Variants in ZNF385D observed in about 807,000 individuals in gnomAD.
ZNF385D encodes zinc finger protein 385D, also known as zinc finger protein 659.
In ZNF385D, 15 loss-of-function variants were observed where a neutral mutation model predicts 35.8. The ratio of observed to expected loss-of-function variants is 0.42; its 90% CI spans 0.28 to 0.64. ZNF385D has a LOEUF of 0.64. Among genes scored for constraint, ZNF385D ranks in the 30% least tolerant of loss-of-function variants. The pLI is 0.23. For synonymous variants in ZNF385D, 212 were observed against 186.8 expected (o/e 1.13, Z -1.10); for missense variants, 474 against 494.6 (o/e 0.96, Z 0.39).
rs114311563 is a variant in ZNF385D at position 21,559,915 on chromosome 3, A to G, written c.276+4659T>C. Among the ~76,000 whole-genome samples the G allele has an allele frequency of 5.9e-3, 897 of 152,174 alleles. 8 individuals carry two copies. The highest frequency in any genetic ancestry group is 0.02 in the African/African-American group (840 of 41,508). ...CACGCTGTATTTAAGTTGATCTTCAAGCTCTGATATCCTTTCTTCTGTTTG... is the reference window on the plus strand; with the variant it reads ...CACGCTGTATTTAAGTTGATCTTCAGGCTCTGATATCCTTTCTTCTGTTTG... On this transcript the variant is annotated intron_variant, in intron 3 of 7. Coordinates refer to ENST00000281523, the MANE Select transcript of ZNF385D (RefSeq NM_024697.3).
chr3:21,920,530 T>C (rs1180057213), intron 3 of ZNF385D, among the ~76,000 whole-genome samples: 1 of 150,338 alleles, frequency 6.7e-6, no homozygotes, highest in Non-Finnish European at 1.5e-5. Context: ...TGTGAGTCAT[T>C]AACATAGGCT....
At chr3:21,451,236 A>G (rs1380286834) in intron 4 of ZNF385D, among the ~76,000 whole-genome samples, 1 of 152,022 alleles carries the variant, frequency 6.6e-6, no homozygotes, top group African/African-American at 2.4e-5. Context: ...CTCTGTTTCT[A>G]TTGAAGAATA....
chr3:21,462,410 A>G (rs1703234679), intron 4 of ZNF385D, among the ~76,000 whole-genome samples: 1 of 152,190 alleles, frequency 6.6e-6, no homozygotes, highest in South Asian at 2.1e-4. Flanking sequence ...AAATGATGTT[A>G]CTTGCAATTA....
intron 1 of ZNF385D, among the ~76,000 whole-genome samples, chr3:21,697,399 G>A (rs1463123431): frequency 6.6e-6 from 1 of 152,086 alleles, no homozygotes; most frequent in Non-Finnish European, 1.5e-5. Context: ...AAAAAGTTTC[G>A]TGATTTGTTT....
intron 2 of ZNF385D, among the ~76,000 whole-genome samples, chr3:22,355,740 A>T (rs988312631): frequency 6.6e-6 from 1 of 152,060 alleles, no homozygotes; most frequent in Non-Finnish European, 1.5e-5. Context: ...GAATTAAATC[A>T]TCTATAGAGT....
chr3:22,353,189 C>T (rs958754726), intron 2 of ZNF385D, among the ~76,000 whole-genome samples: 2 of 152,188 alleles, frequency 1.3e-5, no homozygotes, highest in African/African-American at 2.4e-5. Flanking sequence ...CCTGCCAGAG[C>T]TTCTTGCTAC....
chr3:22,157,885 T>G (rs999354816), intron 3 of ZNF385D, among the ~76,000 whole-genome samples: 1 of 152,158 alleles, frequency 6.6e-6, no homozygotes, highest in African/African-American at 2.4e-5. Flanking sequence ...CCAGCTTTTA[T>G]TTTTGTACCT....
chr3:22,287,197 C>A (rs1355087762), intron 2 of ZNF385D, among the ~76,000 whole-genome samples: 1 of 151,970 alleles, frequency 6.6e-6, no homozygotes, highest in Non-Finnish European at 1.5e-5. Context: ...ATAGCTACCT[C>A]TGCTCTCTTT....
At chr3:22,274,574 A>C (rs536776077) in intron 2 of ZNF385D, among the ~76,000 whole-genome samples, 1 of 152,122 alleles carries the variant, frequency 6.6e-6, no homozygotes, top group South Asian at 2.1e-4. Context: ...CCAAGAGTCC[A>C]TTGCAATCAA....
chr3:21,487,939 T>C (rs1705154075), intron 4 of ZNF385D, among the ~76,000 whole-genome samples: 1 of 152,166 alleles, frequency 6.6e-6, no homozygotes, highest in Non-Finnish European at 1.5e-5. Flanking sequence ...ATTGTTACTA[T>C]TATAAGAATG....
At chr3:21,529,936 T>G (rs2061884496) in intron 3 of ZNF385D, among the ~76,000 whole-genome samples, 1 of 152,222 alleles carries the variant, frequency 6.6e-6, no homozygotes, top group African/African-American at 2.4e-5. Context: ...TGTTGAAATG[T>G]GATCCCCAGT....
chr3:22,218,467 ATG>A (rs1379718301), intron 2 of ZNF385D, among the ~76,000 whole-genome samples: 1 of 151,906 alleles, frequency 6.6e-6, no homozygotes, highest in East Asian at 1.9e-4. Context: ...ATGTATATAT[ATG>A]TGTGTATATG....
At chr3:21,878,483 T>C (rs768873746) in intron 3 of ZNF385D, among the ~76,000 whole-genome samples, 134 of 152,020 alleles carry the variant, frequency 8.8e-4, no homozygotes, top group Non-Finnish European at 1.5e-3. Context: ...GAAAAGTGTA[T>C]CATACGTTGA....
chr3:21,422,856 G>C (rs1051581452), intron 7 of ZNF385D, among the ~76,000 whole-genome samples: 19 of 152,208 alleles, frequency 1.2e-4, no homozygotes, highest in Admixed American at 1.2e-3. Context: ...TAAGAGCCGT[G>C]TATGACAAAC....
chr3:21,471,887 A>G (rs1703920556), intron 4 of ZNF385D, among the ~76,000 whole-genome samples: 1 of 144,446 alleles, frequency 6.9e-6, no homozygotes, highest in Non-Finnish European at 1.5e-5. Context: ...AGAAAACATA[A>G]TAATTACTTC....
At chr3:21,658,389 A>T (rs753438610) in intron 2 of ZNF385D, among the ~76,000 whole-genome samples, 1 of 152,002 alleles carries the variant, frequency 6.6e-6, no homozygotes, top group Non-Finnish European at 1.5e-5. Context: ...CTAATAAGTG[A>T]TTAAATTAAT....
At chr3:22,211,367 T>C (rs912294193) in intron 2 of ZNF385D, among the ~76,000 whole-genome samples, 1 of 151,900 alleles carries the variant, frequency 6.6e-6, no homozygotes. Flanking sequence ...TTTCAAAAAA[T>C]CTAGTTCCCT....
chr3:22,180,457 C>A (rs531628157), intron 2 of ZNF385D, among the ~76,000 whole-genome samples: 1 of 152,240 alleles, frequency 6.6e-6, no homozygotes, highest in Non-Finnish European at 1.5e-5. Context: ...CATCCTGATA[C>A]CAAAGCCTGG....
At chr3:21,711,039 G>GGTTTTTTTTTTT (rs2068081805) in intron 1 of ZNF385D, among the ~76,000 whole-genome samples, 1 of 83,154 alleles carries the variant, frequency 1.2e-5, no homozygotes, top group African/African-American at 5.1e-5. Context: ...CCCTCTAAAA[G>GGTTTTTTTTTTT]TTTTTTTTTT....
Sources: gnomAD v4.1 joint callset for allele counts (sites outside exome capture counted in the v4.1 genomes callset) on GRCh38, gnomAD v4.1.1 for gene constraint, MANE v1.5 for transcripts, NCBI Gene and HGNC (gene_info 2026-07-23, HGNC 2026-07-21) for gene names.